Variants in ATXN3 observed in about 807,000 individuals in gnomAD.
ATXN3 encodes the protein ataxin 3, also known as ataxin-3.
A neutral mutation model predicts 58.2 loss-of-function variants in ATXN3; 28 were observed. The observed-to-expected ratio is 0.48, with a 90% CI of 0.36 to 0.66. The LOEUF is 0.66. Ranked by LOEUF, ATXN3 falls within the 30% of genes least tolerant of loss-of-function variation. ATXN3 has a pLI of 0.00. For synonymous variants in ATXN3, 113 were observed against 138.5 expected, an observed-to-expected ratio of 0.82 and a Z score of 1.29; for missense variants, 321 against 422.1, an observed-to-expected ratio of 0.76 and a Z score of 2.10.
At position 92,093,718 on chromosome 14, in the gene ATXN3, A is replaced by G. The variant is rs754953938; in HGVS notation, c.320+28T>C. ...TTAAAAATCAAATTTGGGAAAAGAA[A>G]TGTATGAAATGCAAAACAGAATCTT... On this transcript the variant is annotated intron_variant, in intron 4 of 10. Coordinates refer to ENST00000644486, the MANE Select transcript of ATXN3 (RefSeq NM_004993.6). 1.1e-5 allele frequency: 16 copies of G among 1,472,552 alleles called. No homozygotes were observed. The African/African-American group carries it at 1.6e-4, about 14-fold the overall frequency. The allele number at this position is 1,472,552 out of a possible 1,614,324, so 91.2% of individuals were successfully genotyped here. A position where few individuals can be genotyped will look rare whatever the true frequency, so the allele number is the denominator to read the frequency against.
chr14:92,097,719 G>T (rs1302265484), intron 1 of ATXN3, among the ~76,000 whole-genome samples: 1 of 151,578 alleles, frequency 6.6e-6, no homozygotes, highest in African/African-American at 2.4e-5. Context: ...TAGCGATACG[G>T]TTTCACAATG....
At chr14:92,055,107 C>T (rs1259247575), downstream of ATXN3, among the ~76,000 whole-genome samples, 2 of 152,126 alleles carry the variant, frequency 1.3e-5, no homozygotes, top group South Asian at 2.1e-4. The surrounding 1 kb of genome is among the most constrained non-coding windows in gnomAD (Gnocchi z 4.5). Context: ...GTCTCAAACT[C>T]GTGACCTCGT....
chr14:92,097,115 T>G (rs768341819), intron 1 of ATXN3, among the ~76,000 whole-genome samples: 36 of 152,132 alleles, frequency 2.4e-4, no homozygotes, highest in South Asian at 8.3e-4. Context: ...CATCCTGTGT[T>G]AGCCAGGATG....
intron 10 of ATXN3, 57 bp downstream of exon 10, chr14:92,070,878 C>T (rs1313300364): frequency 3.7e-6 from 6 of 1,613,262 alleles, no homozygotes; most frequent in Non-Finnish European, 5.1e-6. Flanking sequence ...ACATGGAGCT[C>T]GTATGTCAGA....
At position 92,068,145 on chromosome 14, in the gene ATXN3, G is replaced by A. The variant is rs913264820; in HGVS notation, c.991+2790C>T. ...TACTGGGTGGAAGTTCAGCCTCCCT[G>A]TGACCACTGACACCATGTGAAAGGA... On this transcript the variant is annotated intron_variant, in intron 10 of 10. Coordinates refer to ENST00000644486, the MANE Select transcript of ATXN3 (RefSeq NM_004993.6). Among the ~76,000 whole-genome samples, 3 of 152,284 alleles carry A rather than the reference G, an allele frequency of 2.0e-5. No homozygotes were observed. The East Asian group carries it at 5.8e-4, about 29-fold the overall frequency.
chr14:92,096,409 G>C, intron 2 of ATXN3: 1 of 1,044,078 alleles, frequency 9.6e-7, no homozygotes, highest in Non-Finnish European at 1.3e-6. Flanking sequence ...TGGATCATAA[G>C]GTCAGGAGTT....
chr14:92,081,447 G>A (rs1448228682), intron 8 of ATXN3, among the ~76,000 whole-genome samples: 4 of 126,200 alleles, frequency 3.2e-5, no homozygotes, highest in African/African-American at 6.1e-5. Flanking sequence ...CAGGCTGGGC[G>A]ACAGTGAGAC....
At chr14:92,070,717 A>G in intron 10 of ATXN3, 2 of 1,263,040 alleles carry the variant, frequency 1.6e-6, no homozygotes, top group Non-Finnish European at 2.1e-6. Context: ...AAGTGCTGGG[A>G]TTACAGATGT....
At chr14:92,078,483 T>G (rs1203782490) in intron 9 of ATXN3, among the ~76,000 whole-genome samples, 1 of 152,088 alleles carries the variant, frequency 6.6e-6, no homozygotes, top group East Asian at 1.9e-4. Context: ...TGCCTCAGCC[T>G]CTCAAGTAGC....
At chr14:92,101,464 G>A (rs376795114) in intron 1 of ATXN3, among the ~76,000 whole-genome samples, 4 of 152,186 alleles carry the variant, frequency 2.6e-5, no homozygotes, top group Admixed American at 6.5e-5. Flanking sequence ...GCATTTTCCT[G>A]CCTTGCCCTT....
At position 92,064,422 on chromosome 14, in the gene ATXN3, G is replaced by A. The variant is rs1456988845; in HGVS notation, c.992-8C>T. The stretch of plus-strand genomic sequence containing the variant: ...CTTCACTCATAGCATCACCTGTTGG[G>A]AAACAAAACCACATTTCTTTAAAAT... On this transcript the variant is annotated splice_polypyrimidine_tract_variant and splice_region_variant and intron_variant, in intron 10 of 10. Coordinates refer to ENST00000644486, the MANE Select transcript of ATXN3 (RefSeq NM_004993.6). The A allele has an allele frequency of 1.3e-6, 2 of 1,586,604 alleles. No individual in the cohort carries two copies. The highest frequency in any genetic ancestry group is 1.3e-5 in the African/African-American group (1 of 74,134).
downstream of ATXN3, among the ~76,000 whole-genome samples, chr14:92,057,147 C>T (rs577887839): frequency 6.6e-6 from 1 of 152,264 alleles, no homozygotes; most frequent in East Asian, 1.9e-4. Context: ...AAATAACCAG[C>T]CAGGCGAGGT....
chr14:92,056,040 A>T (rs1414746616), downstream of ATXN3, among the ~76,000 whole-genome samples: 1 of 152,238 alleles, frequency 6.6e-6, no homozygotes. Context: ...CCTGTGCAGA[A>T]TTCAAACACA....
At chr14:92,096,883 G>C (rs2065393547) in intron 1 of ATXN3, 45 bp from the exon 2 acceptor site, 2 of 1,496,454 alleles carry the variant, frequency 1.3e-6, no homozygotes, top group Non-Finnish European at 1.9e-6. Flanking sequence ...TTGTTAAACA[G>C]AATTGTATAG....
intron 5 of ATXN3, 47 bp from the exon 6 acceptor site, chr14:92,088,864 T>TAA: frequency 9.1e-7 from 1 of 1,094,068 alleles, no homozygotes; most frequent in South Asian, 1.3e-5. Flanking sequence ...TTATAGGTAA[T>TAA]AAGGAAGTTT....
At chr14:92,069,371 CTTTTTTT>C (rs34755730) in intron 10 of ATXN3, among the ~76,000 whole-genome samples, 1 of 92,570 alleles carries the variant, frequency 1.1e-5, no homozygotes, top group Non-Finnish European at 2.0e-5. Flanking sequence ...GTGTCCAGCC[CTTTTTTT>C]TTTTTTTTTT....
chr14:92,098,773 T>A (rs1477950003), intron 1 of ATXN3, among the ~76,000 whole-genome samples: 8 of 152,042 alleles, frequency 5.3e-5, no homozygotes, highest in African/African-American at 1.9e-4. Flanking sequence ...AGCAGAACTG[T>A]CCCAAACAAC....
intron 2 of ATXN3, among the ~76,000 whole-genome samples, chr14:92,046,037 C>G (rs1395266857): frequency 6.6e-6 from 1 of 152,154 alleles, no homozygotes. Flanking sequence ...ATTAAGGAGG[C>G]AATAATGATG....
Position 92,062,415 on chromosome 14 carries a change from CTCA to C in ATXN3, c.*1902_*1904del, listed in dbSNP as rs1279512995. On this transcript the variant is annotated 3_prime_UTR_variant, in exon 11 of 11. Transcript: ENST00000644486. ...GTTTTCTCATTTTTATATTAGGTAG[CTCA>C]TCAATTCAAGTGTATGAAAAGTTTA... 6.6e-6 allele frequency: 1 copy of C among 152,016 alleles called. No homozygotes were observed. The highest frequency in any genetic ancestry group is 2.4e-5 in the African/African-American group (1 of 41,352). The allele number at this position is 152,016 out of a possible 1,614,324, so 9.4% of individuals were successfully genotyped here. A position where few individuals can be genotyped will look rare whatever the true frequency, so the allele number is the denominator to read the frequency against.
Sources: allele counts gnomAD v4.1 joint callset (sites outside exome capture counted in the v4.1 genomes callset), GRCh38; gene constraint gnomAD v4.1.1; non-coding constraint Gnocchi (gnomAD v3.1); transcripts MANE v1.5; gene names NCBI Gene and HGNC (gene_info 2026-07-23, HGNC 2026-07-21).